RPIA: variants seen among roughly 807,000 people sequenced by gnomAD.
RPIA encodes the protein ribose 5-phosphate isomerase A.
RPIA carries 29 observed loss-of-function variants against 37.8 expected under a neutral mutation model. The ratio of observed to expected loss-of-function variants is 0.77; its 90% CI spans 0.57 to 1.05. RPIA has a LOEUF of 1.05. RPIA is among the 50% of genes least tolerant of loss of function. RPIA has a pLI of 0.00. For missense variants in RPIA, 385 were observed against 413.6 expected, an observed-to-expected ratio of 0.93 and a Z score of 0.60; for synonymous variants, 167 against 157.0, an observed-to-expected ratio of 1.06 and a Z score of -0.48.
intron 3 of RPIA, among the ~76,000 whole-genome samples, chr2:88,710,929 A>G (rs950040997): frequency 5.3e-5 from 8 of 152,224 alleles, no homozygotes; most frequent in Non-Finnish European, 1.2e-4. Context: ...TAGGTGTTTC[A>G]GGAGAAACTC....
rs146302400 is a variant in RPIA, at chr2:88,727,203, C to A, written c.403-2075C>A. Among the ~76,000 whole-genome samples, 85 of 152,340 alleles carry A rather than the reference C, an allele frequency of 5.6e-4. 1 individual carries two copies. In the East Asian group the frequency reaches 0.016, roughly 28 times the overall value. ...TCTGCAGCGTTCTCTGTAAACTAATCTCAGAAGTGTCATATCATCACCTCC... is the reference window on the plus strand; with the variant it reads ...TCTGCAGCGTTCTCTGTAAACTAATATCAGAAGTGTCATATCATCACCTCC... On this transcript the variant is annotated intron_variant, in intron 3 of 8. Coordinates refer to ENST00000283646, the MANE Select transcript of RPIA (RefSeq NM_144563.3).
chr2:88,705,343 G>A (rs1170540329), intron 3 of RPIA, among the ~76,000 whole-genome samples: 1 of 152,100 alleles, frequency 6.6e-6, no homozygotes, highest in African/African-American at 2.4e-5. Context: ...AACTAAAACA[G>A]CATGGTACTG....
At chr2:88,749,789 G>T (rs1263426998) in intron 8 of RPIA, among the ~76,000 whole-genome samples, 192 bp from the exon 9 acceptor site, 2 of 152,220 alleles carry the variant, frequency 1.3e-5, no homozygotes, top group South Asian at 4.1e-4. Flanking sequence ...AGTGGGAGGG[G>T]AGAAAGAGGT....
At chr2:88,740,558 G>A (rs13408731) in intron 8 of RPIA, among the ~76,000 whole-genome samples, 9,805 of 152,198 alleles carry the variant, frequency 0.064, 563 homozygotes, top group African/African-American at 0.15. Context: ...ATGTGAGGAC[G>A]CTTAGAAAAC....
chr2:88,706,557 G>A (rs796741622), intron 3 of RPIA, among the ~76,000 whole-genome samples: 3 of 151,866 alleles, frequency 2.0e-5, no homozygotes, highest in African/African-American at 7.3e-5. Context: ...CTGTCTGGGG[G>A]GTGTGGGGGG....
chr2:88,716,564 G>A (rs1673039173), intron 3 of RPIA, among the ~76,000 whole-genome samples: 1 of 152,178 alleles, frequency 6.6e-6, no homozygotes, highest in African/African-American at 2.4e-5. Context: ...TGAGTTTTAT[G>A]GTGATAATTG....
chr2:88,729,098 T>G (rs542089374), intron 3 of RPIA, among the ~76,000 whole-genome samples, 180 bp from the exon 4 acceptor site: 1 of 152,330 alleles, frequency 6.6e-6, no homozygotes, highest in East Asian at 1.9e-4. Flanking sequence ...AGCTCCCAGG[T>G]TGAATCAGCA....
At chr2:88,734,082 G>C (rs1219798572) in intron 4 of RPIA, among the ~76,000 whole-genome samples, 1 of 151,112 alleles carries the variant, frequency 6.6e-6, no homozygotes, top group African/African-American at 2.4e-5. Context: ...AGAGACTTCT[G>C]AATCAGTTTT....
chr2:88,698,296 A>T lies in RPIA; in HGVS notation c.286-188A>T, dbSNP rs573079198. On this transcript the variant is annotated intron_variant, in intron 1 of 8. Coordinates refer to ENST00000283646, the MANE Select transcript of RPIA (RefSeq NM_144563.3). The stretch of plus-strand genomic sequence containing the variant: ...GGGCCTTGTTGAACATTTGTCCACC[A>T]TGGATTGGCTAAAGTACAGCATTGA... 3.6e-4 allele frequency among the ~76,000 whole-genome samples: 55 copies of T among 152,204 alleles called. No homozygotes were observed. The South Asian group carries it at 0.011, about 32-fold the overall frequency.
chr2:88,750,800 T>A lies in RPIA; in HGVS notation c.*722T>A. 2.5e-6 allele frequency: 1 copy of A among 398,640 alleles called. No homozygotes were observed. The highest frequency in any genetic ancestry group is 4.4e-6 in the Non-Finnish European group (1 of 226,058). 24.7% of individuals were successfully genotyped at this position (398,640 alleles called of 1,614,324 possible). ...TGAAATGTGAAGTACTTTGTTTTTTTATTTTTAATGATTTTCTTTTTGTTA... is the reference window on the plus strand; with the variant it reads ...TGAAATGTGAAGTACTTTGTTTTTTAATTTTTAATGATTTTCTTTTTGTTA... On this transcript the variant is annotated 3_prime_UTR_variant, in exon 9 of 9. Transcript: ENST00000283646.
chr2:88,697,506 T>A (rs1439726680), intron 1 of RPIA, among the ~76,000 whole-genome samples: 1 of 152,242 alleles, frequency 6.6e-6, no homozygotes, highest in Non-Finnish European at 1.5e-5. Flanking sequence ...CGTTTTGCTC[T>A]TTGTGGTCTA....
intron 1 of RPIA, among the ~76,000 whole-genome samples, chr2:88,698,238 G>A (rs1053253544): frequency 6.6e-6 from 1 of 152,096 alleles, no homozygotes; most frequent in Admixed American, 6.6e-5. Flanking sequence ...GGAGGAAGCG[G>A]TGGTGTTGAC....
chr2:88,735,726 C>G lies in RPIA; in HGVS notation c.585C>G (p.Ile195Met). ...VAGYASRFIV[I>M]ADFRKDSKNL... ...GCTATGCTAGTCGCTTCATCGTGAT[C>G]GCTGATTTCAGGTACAGTTTCTGGT... The change falls in exon 6 of 9, where the codon ATC (isoleucine) becomes ATG (methionine). Residue 195 changes from isoleucine (I) to methionine (M), a missense_variant. Around this residue, in one of 2 missense-constraint regions of RPIA, gnomAD observed 153 missense variants for 210.6 expected, o/e 0.73. Coordinates refer to ENST00000283646, the MANE Select transcript of RPIA (RefSeq NM_144563.3). 6.2e-7 allele frequency: 1 copy of G among 1,613,964 alleles called. No homozygotes were observed. The highest frequency in any genetic ancestry group is 8.5e-7 in the Non-Finnish European group (1 of 1,179,924).
chr2:88,698,111 T>G (rs1462251511), intron 1 of RPIA, among the ~76,000 whole-genome samples: 1 of 151,502 alleles, frequency 6.6e-6, no homozygotes, highest in Non-Finnish European at 1.5e-5. Context: ...AAACACACTG[T>G]TGCTGGCTTG....
chr2:88,703,123 C>A (rs1672851591), intron 3 of RPIA, among the ~76,000 whole-genome samples: 1 of 152,216 alleles, frequency 6.6e-6, no homozygotes, highest in African/African-American at 2.4e-5. Flanking sequence ...CTTCCTGTGG[C>A]TTTGCAGGGC....
chr2:88,692,094 T>A (rs558377640), intron 1 of RPIA, 111 bp downstream of exon 1: 4 of 1,360,220 alleles, frequency 2.9e-6, no homozygotes, highest in Non-Finnish European at 4.0e-6. Flanking sequence ...GGGCGGGAGC[T>A]GAGTGAGAGG....
At chr2:88,719,420 T>C (rs1356908133) in intron 3 of RPIA, among the ~76,000 whole-genome samples, 2 of 152,186 alleles carry the variant, frequency 1.3e-5, no homozygotes, top group Non-Finnish European at 2.9e-5. Context: ...GTATAATTTT[T>C]ATACCAAATA....
At chr2:88,732,728 TAAAAAAAAAAAA>T (rs75685116) in intron 4 of RPIA, among the ~76,000 whole-genome samples, 5 of 1,998 alleles carry the variant, frequency 2.5e-3, no homozygotes, top group Non-Finnish European at 4.1e-3. Flanking sequence ...TAGAGTATAA[TAAAAAAAAAAAA>T]AAAAAAAAAA....
At chr2:88,721,991 T>G (rs1267905065) in intron 3 of RPIA, among the ~76,000 whole-genome samples, 2 of 149,862 alleles carry the variant, frequency 1.3e-5, no homozygotes, top group African/African-American at 5.0e-5. Flanking sequence ...TTTTTTTTTT[T>G]TAATCCTTTT....
Sources: allele counts gnomAD v4.1 joint callset (sites outside exome capture counted in the v4.1 genomes callset), GRCh38; gene constraint gnomAD v4.1.1; regional missense constraint gnomAD v4.1.1; transcripts MANE v1.5; gene names NCBI Gene and HGNC (gene_info 2026-07-23, HGNC 2026-07-21).